The following SPOCK1 variants were observed in gnomAD, a reference collection of about 807,000 sequenced individuals.
SPOCK1 encodes testican-1.
A neutral mutation model predicts 55.3 loss-of-function variants in SPOCK1; 23 were observed. The ratio of observed to expected loss-of-function variants is 0.42; its 90% CI spans 0.30 to 0.59. The LOEUF is 0.59. Among genes scored for constraint, SPOCK1 ranks in the 20% least tolerant of loss-of-function variants. SPOCK1 has a pLI of 0.22. For synonymous variants in SPOCK1, 226 were observed against 221.0 expected (o/e 1.02, Z -0.20); for missense variants, 499 against 552.5 (o/e 0.90, Z 0.97).
At chr5:137,309,595 T>C (rs1334514666) in intron 2 of SPOCK1, among the ~76,000 whole-genome samples, 1 of 152,200 alleles carries the variant, frequency 6.6e-6, no homozygotes, top group Admixed American at 6.5e-5. Flanking sequence ...TCCTCTGTCA[T>C]GGGTTGAGTG....
chr5:137,397,831 A>G (rs1425761743), intron 2 of SPOCK1, among the ~76,000 whole-genome samples: 1 of 152,108 alleles, frequency 6.6e-6, no homozygotes, highest in Non-Finnish European at 1.5e-5. Flanking sequence ...CAGCTCAAAC[A>G]TCGCTCCCCC....
At chr5:137,014,783 A>G (rs1305094548) in intron 6 of SPOCK1, among the ~76,000 whole-genome samples, 1 of 152,218 alleles carries the variant, frequency 6.6e-6, no homozygotes, top group African/African-American at 2.4e-5. Flanking sequence ...GGGTCAGAAT[A>G]TCTTTTATTT....
rs946564834 is a variant in SPOCK1 at position 137,498,576 on chromosome 5, C to A, written c.1-18G>T. On this transcript the variant is annotated intron_variant, in intron 1 of 10. Transcript: ENST00000394945. ...GCCGGCATCTGCGGGGCAGGGCGCGCAGGGCGATGAGCGAAGAGGGCGGGC... is the reference window on the plus strand; with the variant it reads ...GCCGGCATCTGCGGGGCAGGGCGCGAAGGGCGATGAGCGAAGAGGGCGGGC... 1.4e-5 allele frequency: 20 copies of A among 1,452,448 alleles called. No individual in the cohort carries two copies. The African/African-American group carries it at 2.8e-4, about 20-fold the overall frequency. The allele number at this position is 1,452,448 out of a possible 1,614,324, so 90.0% of individuals were successfully genotyped here. A position where few individuals can be genotyped will look rare whatever the true frequency, so the allele number is the denominator to read the frequency against.
intron 2 of SPOCK1, among the ~76,000 whole-genome samples, chr5:137,492,082 C>T (rs1754192338): frequency 6.6e-6 from 1 of 152,190 alleles, no homozygotes; most frequent in Admixed American, 6.5e-5. Flanking sequence ...CATCAGGCAT[C>T]CATTTCCCCT....
chr5:137,417,127 G>T (rs564713216), intron 2 of SPOCK1, among the ~76,000 whole-genome samples: 1 of 151,902 alleles, frequency 6.6e-6, no homozygotes, highest in South Asian at 2.1e-4. Context: ...CCCAGCAGGT[G>T]TCTCATCTTT....
At chr5:137,488,430 C>T (rs1437199347) in intron 2 of SPOCK1, among the ~76,000 whole-genome samples, 4 of 152,112 alleles carry the variant, frequency 2.6e-5, no homozygotes, top group Admixed American at 2.6e-4. Flanking sequence ...TTCCTGGGTG[C>T]CACCTTTGAC....
intron 6 of SPOCK1, among the ~76,000 whole-genome samples, chr5:137,062,973 G>A (rs1041105656): frequency 3.3e-5 from 5 of 151,882 alleles, no homozygotes; most frequent in African/African-American, 7.3e-5. Context: ...GGTGGCTCAC[G>A]CCTGTAATCC....
intron 2 of SPOCK1, among the ~76,000 whole-genome samples, chr5:137,286,377 C>T (rs532813055): frequency 3.3e-5 from 5 of 152,236 alleles, no homozygotes; most frequent in African/African-American, 9.6e-5. Context: ...GCCCTGGCCA[C>T]GAGAGTCCAC....
intron 5 of SPOCK1, among the ~76,000 whole-genome samples, chr5:137,075,803 C>T (rs1449099829): frequency 6.6e-6 from 1 of 152,152 alleles, no homozygotes; most frequent in Non-Finnish European, 1.5e-5. Flanking sequence ...GGCTCCTGGC[C>T]CCTGCTTTAA....
intron 5 of SPOCK1, among the ~76,000 whole-genome samples, chr5:137,078,668 C>A (rs2127012262): frequency 1.3e-5 from 2 of 152,282 alleles, no homozygotes; most frequent in South Asian, 4.1e-4. Flanking sequence ...TTCCTGCAGC[C>A]ATCCTGGAAG....
In SPOCK1 at chr5:137,226,067, G is replaced by T. The variant is rs184339529; in HGVS notation, c.232+40943C>A. On this transcript the variant is annotated intron_variant, in intron 3 of 10. Transcript: ENST00000394945. ...CCAGACCCAACCTAAATCCTGAAAA[G>T]AGATGGGGTTTTTGACACAAGACTA... 1.9e-4 allele frequency among the ~76,000 whole-genome samples: 29 copies of T among 152,308 alleles called. No individual in the cohort carries two copies. The East Asian group carries it at 5.6e-3, about 30-fold the overall frequency.
chr5:137,264,497 T>G (rs1222189171), intron 3 of SPOCK1, among the ~76,000 whole-genome samples: 2 of 152,100 alleles, frequency 1.3e-5, no homozygotes, highest in East Asian at 3.8e-4. Context: ...CCCACCTCCA[T>G]CATGAAGCCC....
chr5:137,172,089 C>T (rs1015290928), intron 3 of SPOCK1, among the ~76,000 whole-genome samples: 1 of 152,164 alleles, frequency 6.6e-6, no homozygotes, highest in African/African-American at 2.4e-5. Context: ...TTCATTTAAA[C>T]CCCTTCCACC....
intron 6 of SPOCK1, among the ~76,000 whole-genome samples, chr5:137,030,104 T>C (rs747550831): frequency 5.3e-5 from 8 of 152,226 alleles, no homozygotes; most frequent in Non-Finnish European, 8.8e-5. Flanking sequence ...TATAAACTCT[T>C]CTTTAGACCA....
chr5:137,196,362 G>A (rs1232836499), intron 3 of SPOCK1, among the ~76,000 whole-genome samples: 2 of 152,176 alleles, frequency 1.3e-5, no homozygotes, highest in Non-Finnish European at 2.9e-5. Flanking sequence ...AAACCTTTCG[G>A]TGGGTTCCCA....
chr5:137,061,313 G>C (rs1229809294), intron 6 of SPOCK1, among the ~76,000 whole-genome samples: 1 of 152,112 alleles, frequency 6.6e-6, no homozygotes, highest in Non-Finnish European at 1.5e-5. Flanking sequence ...ACCGCCTCCT[G>C]TTCCCTTTTA....
chr5:137,111,461 C>T (rs1331978394), intron 5 of SPOCK1, among the ~76,000 whole-genome samples: 1 of 152,188 alleles, frequency 6.6e-6, no homozygotes, highest in Non-Finnish European at 1.5e-5. Flanking sequence ...ACAGAAAACC[C>T]TGACACACGC....
At position 137,448,203 on chromosome 5, in the gene SPOCK1, G is replaced by A. The variant is rs575538196; in HGVS notation, c.186+50170C>T. On this transcript the variant is annotated intron_variant, in intron 2 of 10. Coordinates refer to ENST00000394945, the MANE Select transcript of SPOCK1 (RefSeq NM_004598.4). ...GCAGAGGTTGCAGTGAGCCAAGATC[G>A]TGCCATTGCACTCCAGCCTGGGTGA... Among the ~76,000 whole-genome samples the A allele has an allele frequency of 9.8e-5, 15 of 152,292 alleles. No homozygotes were observed. The South Asian group carries it at 1.2e-3, about 13-fold the overall frequency.
intron 2 of SPOCK1, among the ~76,000 whole-genome samples, chr5:137,304,337 T>G (rs1407971277): frequency 1.3e-5 from 2 of 152,220 alleles, no homozygotes; most frequent in South Asian, 2.1e-4. Flanking sequence ...ACACACAGGC[T>G]TGCCAATAAA....
Sources: allele counts gnomAD v4.1 joint callset (sites outside exome capture counted in the v4.1 genomes callset), GRCh38; gene constraint gnomAD v4.1.1; transcripts MANE v1.5; gene names NCBI Gene and HGNC (gene_info 2026-07-23, HGNC 2026-07-21).